TFDP1: variants seen among roughly 807,000 people sequenced by gnomAD.
TFDP1 encodes the protein DRTF1-polypeptide 1.
Under a neutral mutation model 48.0 loss-of-function variants are expected in TFDP1, and 6 were observed. The observed-to-expected ratio is 0.13, with a 90% CI of 0.07 to 0.25. The LOEUF (loss-of-function observed/expected upper bound fraction) is 0.25. Among genes scored for constraint, TFDP1 ranks in the 10% least tolerant of loss-of-function variants. The pLI is 1.00. For missense variants in TFDP1, 335 were observed against 543.0 expected (o/e 0.62, Z 3.81); for synonymous variants, 201 against 211.6 (o/e 0.95, Z 0.44).
chr13:113,625,757 C>T (rs1450837845), intron 4 of TFDP1, among the ~76,000 whole-genome samples: 2 of 119,516 alleles, frequency 1.7e-5, no homozygotes, highest in Admixed American at 7.9e-5. Flanking sequence ...GCGTCTCTCA[C>T]GTGTCCTCAG....
At chr13:113,587,291 G>A (rs201351900) in intron 2 of TFDP1, among the ~76,000 whole-genome samples, 1 of 151,918 alleles carries the variant, frequency 6.6e-6, no homozygotes, top group East Asian at 1.9e-4. Context: ...AACTGCATAG[G>A]CACAGGGGCT....
chr13:113,603,698 A>C (rs1248781082), intron 2 of TFDP1, among the ~76,000 whole-genome samples: 1 of 152,218 alleles, frequency 6.6e-6, no homozygotes, highest in African/African-American at 2.4e-5. Flanking sequence ...TACAAACACA[A>C]ATACAGTTGA....
At position 113,624,470 on chromosome 13, in the gene TFDP1, C is replaced by A. The variant is rs187782446; in HGVS notation, c.186+1184C>A. On this transcript the variant is annotated intron_variant, in intron 4 of 11. Coordinates refer to ENST00000375370, the MANE Select transcript of TFDP1 (RefSeq NM_007111.5). ...ATCTCTCACATGTCCCCACGTGTCT[C>A]TCAGGGTGTCTCTCAGGTGTCCTCA... Among the ~76,000 whole-genome samples, 900 of 151,688 alleles carry A rather than the reference C, an allele frequency of 5.9e-3. 9 individuals are homozygous for A. Among genetic ancestry groups the A allele is most frequent in the African/African-American group, 0.021 (857 of 41,216 alleles).
Position 113,585,752 on chromosome 13 carries a change from CTTTTT to C in TFDP1, c.-64-10_-64-6del. On this transcript the variant is annotated splice_polypyrimidine_tract_variant and intron_variant, in intron 1 of 11. Transcript: ENST00000375370. Reference sequence around the variant, plus strand: ...CTTACTTATTTCTTGTTTTTCCTTACTTTTTTTTTTTTTTTTACCAGAAAAATCAT... The same window carrying C: ...CTTACTTATTTCTTGTTTTTCCTTACTTTTTTTTTTTACCAGAAAAATCAT... 37 of 1,091,446 alleles carry C rather than the reference CTTTTT, an allele frequency of 3.4e-5. No individual in the cohort carries two copies. Among genetic ancestry groups the C allele is most frequent in the Middle Eastern group, 2.3e-4 (1 of 4,410 alleles). 67.6% of individuals were successfully genotyped at this position (1,091,446 alleles called of 1,614,324 possible). A position where few individuals can be genotyped will look rare whatever the true frequency, so the allele number is the denominator to read the frequency against.
chr13:113,637,720 G>A lies in TFDP1; in HGVS notation c.1007-98G>A, dbSNP rs752535460. On this transcript the variant is annotated intron_variant, in intron 10 of 11. Coordinates refer to ENST00000375370, the MANE Select transcript of TFDP1 (RefSeq NM_007111.5). ...AGGATATCCGGAAGCTTCTACAGCC[G>A]TCTGTCCTGTGGAACTGCGCGTCAT... The A allele has an allele frequency of 3.4e-5, 54 of 1,602,620 alleles. 1 individual carries two copies. The highest frequency in any genetic ancestry group is 2.1e-4 in the Admixed American group (12 of 58,344).
At position 113,636,066 on chromosome 13, in the gene TFDP1, G is replaced by A. The variant is rs2049478618; in HGVS notation, c.777G>A (p.Leu259=). 6.2e-7 allele frequency: 1 copy of A among 1,614,124 alleles called. No individual in the cohort carries two copies. Among genetic ancestry groups the A allele is most frequent in the African/African-American group, 1.3e-5 (1 of 74,940 alleles). Reference sequence around the variant, plus strand: ...CGCCACCCAACTCAGTCATCCACCTGCCCTTCATCATCGTCAACACCAGCA... The same window carrying A: ...CGCCACCCAACTCAGTCATCCACCTACCCTTCATCATCGTCAACACCAGCA... ...RPPPPNSVIH[L]PFIIVNTSKK... is the part of the protein sequence containing the mutation. Residue 259 remains leucine, a synonymous_variant, in exon 9 of 12, where the codon CTG becomes CTA. Transcript: ENST00000375370.
chr13:113,599,925 C>T (rs915918915), intron 2 of TFDP1, among the ~76,000 whole-genome samples: 1 of 151,526 alleles, frequency 6.6e-6, no homozygotes. Context: ...GCTCCAGAAC[C>T]GTGAGAGAGA....
At chr13:113,608,225 G>A (rs2048617495) in intron 2 of TFDP1, among the ~76,000 whole-genome samples, 1 of 152,198 alleles carries the variant, frequency 6.6e-6, no homozygotes, top group Non-Finnish European at 1.5e-5. Flanking sequence ...CAGAAAAAAG[G>A]CACTGTGCCA....
At chr13:113,618,592 C>T (rs112539027) in intron 3 of TFDP1, among the ~76,000 whole-genome samples, 16 of 152,290 alleles carry the variant, frequency 1.1e-4, no homozygotes, top group African/African-American at 2.6e-4. Flanking sequence ...TGGTGGGGAG[C>T]GGCAGCCTGG....
At chr13:113,616,222 AGTAAGTGT>A (rs2048854913) in intron 3 of TFDP1, among the ~76,000 whole-genome samples, 3 of 45,652 alleles carry the variant, frequency 6.6e-5, no homozygotes, top group African/African-American at 6.5e-4. Context: ...AAAAAAAAAG[AGTAAGTGT>A]GTAAGTGTAC....
intron 3 of TFDP1, among the ~76,000 whole-genome samples, chr13:113,620,369 G>T (rs937408342): frequency 6.6e-6 from 1 of 152,258 alleles, no homozygotes; most frequent in Non-Finnish European, 1.5e-5. Flanking sequence ...GACGGAAAGA[G>T]CCGCCTGGGC....
chr13:113,610,761 T>C (rs925891336), intron 2 of TFDP1, among the ~76,000 whole-genome samples: 7 of 152,264 alleles, frequency 4.6e-5, no homozygotes, highest in Admixed American at 2.6e-4. Flanking sequence ...CTGTAAGTCA[T>C]GGCTAATTCC....
At chr13:113,586,071 T>C (rs577813265) in intron 2 of TFDP1, 9 of 446,224 alleles carry the variant, frequency 2.0e-5, no homozygotes, top group Middle Eastern at 3.2e-4. Flanking sequence ...CACACTGCAG[T>C]TGGGTGGTGA....
chr13:113,616,063 C>T (rs1014207950), intron 3 of TFDP1, among the ~76,000 whole-genome samples: 3 of 151,712 alleles, frequency 2.0e-5, no homozygotes, highest in African/African-American at 7.3e-5. Context: ...ATTAGTGGGG[C>T]GCTGTGGTAC....
At chr13:113,626,412 G>T (rs761449650) in intron 4 of TFDP1, among the ~76,000 whole-genome samples, 9 of 152,154 alleles carry the variant, frequency 5.9e-5, no homozygotes, top group Non-Finnish European at 1.0e-4. Context: ...CAGATGTTAG[G>T]ATATGAGTTT....
chr13:113,625,647 C>T lies in TFDP1; in HGVS notation c.186+2361C>T, dbSNP rs1051294091. 2.1e-3 allele frequency among the ~76,000 whole-genome samples: 265 copies of T among 125,430 alleles called. 3 individuals carry two copies. The highest frequency in any genetic ancestry group is 3.2e-3 in the Non-Finnish European group (189 of 58,990). The allele number at this position is 125,430 out of a possible 152,430, so 82.3% of individuals were successfully genotyped here. A position where few individuals can be genotyped will look rare whatever the true frequency, so the allele number is the denominator to read the frequency against. On this transcript the variant is annotated intron_variant, in intron 4 of 11. Coordinates refer to ENST00000375370, the MANE Select transcript of TFDP1 (RefSeq NM_007111.5). The stretch of plus-strand genomic sequence containing the variant: ...TGTCCTCAGGCGTCTCTCACGTGTC[C>T]TCAGGCGTCTCTCACGTGTCCTCAG...
intron 2 of TFDP1, 90 bp from the exon 3 acceptor site, chr13:113,610,906 T>C: frequency 8.2e-7 from 1 of 1,219,498 alleles, no homozygotes; most frequent in Non-Finnish European, 1.2e-6. Context: ...TGACGTTATT[T>C]GATAGAACCC....
At chr13:113,625,087 TCTCACGTGTC>T (rs1371392339) in intron 4 of TFDP1, among the ~76,000 whole-genome samples, 4 of 92,676 alleles carry the variant, frequency 4.3e-5, no homozygotes, top group Middle Eastern at 8.8e-3. Flanking sequence ...CTCAGGTGTC[TCTCACGTGTC>T]CTCAGGTGTC....
chr13:113,639,892 G>C (rs191947555), intron 11 of TFDP1, among the ~76,000 whole-genome samples: 1 of 152,234 alleles, frequency 6.6e-6, no homozygotes, highest in African/African-American at 2.4e-5. Flanking sequence ...TGTTTCTGTC[G>C]TTATGGGTTC....
Sources: gnomAD v4.1 joint callset for allele counts (sites outside exome capture counted in the v4.1 genomes callset) on GRCh38, gnomAD v4.1.1 for gene constraint, MANE v1.5 for transcripts, NCBI Gene and HGNC (gene_info 2026-07-23, HGNC 2026-07-21) for gene names.